The following ETS2 variants were observed in gnomAD, a reference collection of about 807,000 sequenced individuals.
The protein encoded by ETS2 is ETS proto-oncogene 2, transcription factor, also known as protein C-ets-2.
Under a neutral mutation model 54.9 loss-of-function variants are expected in ETS2, and 19 were observed. The observed-to-expected ratio is 0.35, with a 90% CI of 0.24 to 0.51. The LOEUF (loss-of-function observed/expected upper bound fraction) is 0.51, where lower values mean the gene tolerates loss of function less well. Among genes scored for constraint, ETS2 ranks in the 20% least tolerant of loss-of-function variants. ETS2 has a pLI of 0.97. For synonymous variants in ETS2, 219 were observed against 229.3 expected (o/e 0.95, Z 0.41); for missense variants, 417 against 593.0 (o/e 0.70, Z 3.08).
chr21:38,815,818 T>C (rs551415236), intron 5 of ETS2, among the ~76,000 whole-genome samples: 44 of 150,508 alleles, frequency 2.9e-4, no homozygotes, highest in Non-Finnish European at 4.7e-4. Flanking sequence ...CACATGCCTG[T>C]AATCCCAGAT....
intron 3 of ETS2, among the ~76,000 whole-genome samples, chr21:38,813,741 C>T (rs1041578715): frequency 9.2e-5 from 14 of 152,182 alleles, no homozygotes; most frequent in Admixed American, 2.0e-4. Context: ...CATACACTGG[C>T]GTAAGCATAA....
At chr21:38,811,036 G>A (rs1056478335) in intron 2 of ETS2, among the ~76,000 whole-genome samples, 1 of 152,160 alleles carries the variant, frequency 6.6e-6, no homozygotes, top group African/African-American at 2.4e-5. Context: ...ATGGTATTAA[G>A]TTGAAACCAC....
chr21:38,811,027 T>C (rs77265497), intron 2 of ETS2, among the ~76,000 whole-genome samples: 1 of 152,316 alleles, frequency 6.6e-6, no homozygotes, highest in Non-Finnish European at 1.5e-5. Context: ...CAAGAAATCA[T>C]GGTATTAAGT....
At chr21:38,805,218 C>T (rs780061324), upstream of ETS2, 76 of 754,162 alleles carry the variant, frequency 1.0e-4, no homozygotes, top group Non-Finnish European at 1.3e-4. This position sits in a 1 kb window ranked among gnomAD's most constrained non-coding sequence, Gnocchi z 5.2. Context: ...CGGGGCTTCC[C>T]GGGAGCAGCG....
Position 38,813,112 on chromosome 21 carries a change from A to G in ETS2, c.182A>G (p.His61Arg), listed in dbSNP as rs1324799279. 4 of 1,591,996 alleles carry G rather than the reference A, an allele frequency of 2.5e-6. No homozygotes were observed. The highest frequency in any genetic ancestry group is 3.4e-6 in the Non-Finnish European group (4 of 1,159,942). Reference sequence around the variant, plus strand: ...CCAACAGGCTTGGATTCCATTTCTCATGGTAATTGGTTCCTCAGACTTGAC... The same window carrying G: ...CCAACAGGCTTGGATTCCATTTCTCGTGGTAATTGGTTCCTCAGACTTGAC... ...EVPTGLDSIS[H>R]DSANCELPLL... Residue 61 changes from histidine to arginine, a missense_variant and splice_region_variant, in exon 3 of 10, where the codon CAT (histidine) becomes CGT (arginine). Physicochemically the swap from His to Arg is conservative, Grantham distance 29. Transcript: ENST00000360938.
upstream of ETS2, chr21:38,805,673 C>T (rs2060888988): frequency 6.7e-6 from 8 of 1,187,690 alleles, no homozygotes; most frequent in South Asian, 7.6e-5. The surrounding 1 kb of genome is among the most constrained non-coding windows in gnomAD (Gnocchi z 5.2). Context: ...CCGCCCTCCT[C>T]TTCTCTCCCC....
intron 8 of ETS2, among the ~76,000 whole-genome samples, chr21:38,819,990 TG>T (rs1822434663): frequency 6.6e-6 from 1 of 152,016 alleles, no homozygotes; most frequent in South Asian, 2.1e-4. Flanking sequence ...GAGTGAAAAT[TG>T]ACAGGCCACT....
chr21:38,821,406 G>A lies in ETS2; in HGVS notation c.1076-180G>A, dbSNP rs546822302. The stretch of plus-strand genomic sequence containing the variant: ...CACATTTGGTGCCCCGCCCCATCCC[G>A]TTAAAGCACTTAGTACTGTCACCAA... On this transcript the variant is annotated intron_variant, in intron 8 of 9. Transcript: ENST00000360938. The surrounding 1 kb of genome is among the most constrained non-coding windows in gnomAD (Gnocchi z 4.2). Among the ~76,000 whole-genome samples the A allele has an allele frequency of 2.0e-5, 3 of 152,140 alleles. No homozygotes were observed. Among genetic ancestry groups the A allele is most frequent in the Non-Finnish European group, 4.4e-5 (3 of 68,030 alleles).
chr21:38,812,807 A>G lies in ETS2; in HGVS notation c.73-196A>G, dbSNP rs182523296. Among the ~76,000 whole-genome samples, 222 of 152,248 alleles carry G rather than the reference A, an allele frequency of 1.5e-3. 1 individual carries two copies. The highest frequency in any genetic ancestry group is 7.5e-4 in the Non-Finnish European group (51 of 68,016). ...AATAATAATAATAATAATCCACAGT[A>G]AAATACAATCATTTCAGTCACTTTG... On this transcript the variant is annotated intron_variant, in intron 2 of 9. Coordinates refer to ENST00000360938, the MANE Select transcript of ETS2 (RefSeq NM_005239.6).
chr21:38,809,252 G>A (rs894195995), intron 1 of ETS2, among the ~76,000 whole-genome samples: 3 of 152,194 alleles, frequency 2.0e-5, no homozygotes, highest in African/African-American at 7.2e-5. Context: ...GCCACTGGTT[G>A]AGAGCTCTGT....
At chr21:38,819,416 C>T in intron 7 of ETS2, 87 bp from the exon 8 acceptor site, 5 of 1,239,176 alleles carry the variant, frequency 4.0e-6, no homozygotes, top group Non-Finnish European at 5.9e-6. Flanking sequence ...CATGATTGCA[C>T]TGGTAGTGGT....
chr21:38,816,143 TA>T (rs1003002271), intron 5 of ETS2, among the ~76,000 whole-genome samples: 2 of 147,420 alleles, frequency 1.4e-5, no homozygotes, highest in South Asian at 2.2e-4. Flanking sequence ...TTATTTAGGT[TA>T]AAAAAATATA....
At position 38,806,487 on chromosome 21, in the gene ETS2, T is replaced by C; in HGVS notation, c.-1+367T>C. 1 of 985,420 alleles carries C rather than the reference T, an allele frequency of 1.0e-6. No individual in the cohort carries two copies. Among genetic ancestry groups the C allele is most frequent in the Non-Finnish European group, 1.2e-6 (1 of 829,964 alleles). The allele number at this position is 985,420 out of a possible 1,614,324, so 61.0% of individuals were successfully genotyped here. A position where few individuals can be genotyped will look rare whatever the true frequency, so the allele number is the denominator to read the frequency against. ...CTGGTAGGGGGTCCTGCCCAGTGGA[T>C]GTCCCGGCGAACATGATTTCGCGAA... On this transcript the variant is annotated intron_variant, in intron 1 of 9. Coordinates refer to ENST00000360938, the MANE Select transcript of ETS2 (RefSeq NM_005239.6). This position sits in a 1 kb window ranked among gnomAD's most constrained non-coding sequence, Gnocchi z 4.3.
rs957385754 is a variant in ETS2, at chr21:38,821,908, C to T, written c.1194+204C>T. ...TGTACAGTGTTTTCTGGGTATGCTT[C>T]ATACAAGGGCGTTGCACAGATTTCA... On this transcript the variant is annotated intron_variant, in intron 9 of 9. Transcript: ENST00000360938. The surrounding 1 kb of genome is among the most constrained non-coding windows in gnomAD (Gnocchi z 4.2). 1.5e-4 allele frequency among the ~76,000 whole-genome samples: 23 copies of T among 152,200 alleles called. No individual in the cohort carries two copies. The highest frequency in any genetic ancestry group is 2.8e-4 in the Non-Finnish European group (19 of 68,038).
chr21:38,815,973 A>G (rs1285469664), intron 5 of ETS2, among the ~76,000 whole-genome samples: 2 of 30 alleles, frequency 0.067, no homozygotes, highest in African/African-American at 0.25. Context: ...GAAGGAAGGA[A>G]GGAAGGAAGG....
rs369913456 is a variant in ETS2 at position 38,807,417 on chromosome 21, C to CTTTT, written c.-1+1312_-1+1315dup. ...AGCTGTTACATTTCTGCTCTTTATC[C>CTTTT]TTTTTTTTTTTTTTTTTTGGTTTAA... On this transcript the variant is annotated intron_variant, in intron 1 of 9. Transcript: ENST00000360938. Among the ~76,000 whole-genome samples, 26 of 133,336 alleles carry CTTTT rather than the reference C, an allele frequency of 1.9e-4. 2 individuals carry two copies. The highest frequency in any genetic ancestry group is 2.7e-4 in the Non-Finnish European group (17 of 63,684). 87.5% of individuals were successfully genotyped at this position (133,336 alleles called of 152,430 possible).
In ETS2 at chr21:38,823,170, G is replaced by C. The variant is rs2060965505; in HGVS notation, c.*281G>C. 1 of 297,276 alleles carries C rather than the reference G, an allele frequency of 3.4e-6. No individual in the cohort carries two copies. The highest frequency in any genetic ancestry group is 2.2e-5 in the African/African-American group (1 of 46,292). The allele number at this position is 297,276 out of a possible 1,614,324, so 18.4% of individuals were successfully genotyped here. A position where few individuals can be genotyped will look rare whatever the true frequency, so the allele number is the denominator to read the frequency against. On this transcript the variant is annotated 3_prime_UTR_variant, in exon 10 of 10. Transcript: ENST00000360938. ...CCTGGCGCCTGGCAGTCCGTGGGACGGGATGGTTCTGGCTGTTTGAGATTC... is the reference window on the plus strand; with the variant it reads ...CCTGGCGCCTGGCAGTCCGTGGGACCGGATGGTTCTGGCTGTTTGAGATTC...
upstream of ETS2, chr21:38,805,835 T>G: frequency 9.5e-7 from 1 of 1,049,280 alleles, no homozygotes; most frequent in Middle Eastern, 3.6e-4. This position sits in a 1 kb window ranked among gnomAD's most constrained non-coding sequence, Gnocchi z 5.2. Flanking sequence ...CTCCCTCGTT[T>G]CCTCCCCTCC....
rs904735765 is a variant in ETS2, at chr21:38,806,621, C to T, written c.-1+501C>T. The T allele has an allele frequency of 6.1e-6, 6 of 985,178 alleles. No individual in the cohort carries two copies. Among genetic ancestry groups the T allele is most frequent in the Non-Finnish European group, 7.2e-6 (6 of 829,922 alleles). The allele number at this position is 985,178 out of a possible 1,614,324, so 61.0% of individuals were successfully genotyped here. On this transcript the variant is annotated intron_variant, in intron 1 of 9. Transcript: ENST00000360938. This position sits in a 1 kb window ranked among gnomAD's most constrained non-coding sequence, Gnocchi z 4.3. ...CGGAGGATCTGGGGCGCCCAAGACA[C>T]CTGAAGGCTGCGGCACCGCGGGAAC...
Sources: gnomAD v4.1 joint callset for allele counts (sites outside exome capture counted in the v4.1 genomes callset) on GRCh38, gnomAD v4.1.1 for gene constraint, Gnocchi (gnomAD v3.1) non-coding constraint, MANE v1.5 for transcripts, NCBI Gene and HGNC (gene_info 2026-07-23, HGNC 2026-07-21) for gene names.